The following TRAPPC8 variants were observed in gnomAD, a reference collection of about 807,000 sequenced individuals.
TRAPPC8 encodes general sporulation gene 1 homolog.
Under a neutral mutation model 174.3 loss-of-function variants are expected in TRAPPC8, and 54 were observed. That is an observed-to-expected ratio of 0.31 (90% CI 0.25 to 0.39). TRAPPC8 has a LOEUF of 0.39. Ranked by LOEUF, TRAPPC8 falls within the 10% of genes least tolerant of loss-of-function variation. The pLI is 1.00. For synonymous variants in TRAPPC8, 630 were observed against 579.9 expected (o/e 1.09, Z -1.24); for missense variants, 1,531 against 1,699.1 (o/e 0.90, Z 1.74).
intron 20 of TRAPPC8, among the ~76,000 whole-genome samples, chr18:31,856,030 T>C (rs764280174): frequency 1.3e-4 from 20 of 152,324 alleles, no homozygotes; most frequent in Non-Finnish European, 2.5e-4. Flanking sequence ...TCTAAGTTTT[T>C]GCCCTGCTTA....
At chr18:31,848,690 A>C (rs1393675888) in intron 25 of TRAPPC8, among the ~76,000 whole-genome samples, 1 of 152,222 alleles carries the variant, frequency 6.6e-6, no homozygotes, top group African/African-American at 2.4e-5. Context: ...TTGATCACCT[A>C]GTATGAACAT....
chr18:31,935,273 G>C (rs7239951), intron 1 of TRAPPC8, among the ~76,000 whole-genome samples: 1 of 149,716 alleles, frequency 6.7e-6, no homozygotes, highest in Non-Finnish European at 1.5e-5. Flanking sequence ...CCTTGGAAGT[G>C]GAGGTTGCAG....
At chr18:31,918,851 G>A (rs1006248843) in intron 2 of TRAPPC8, among the ~76,000 whole-genome samples, 5 of 152,132 alleles carry the variant, frequency 3.3e-5, no homozygotes, top group African/African-American at 1.2e-4. Flanking sequence ...GTAAAACTTA[G>A]TGGTTTCACT....
At chr18:31,862,418 T>C (rs1278842332) in intron 19 of TRAPPC8, among the ~76,000 whole-genome samples, 2 of 152,014 alleles carry the variant, frequency 1.3e-5, no homozygotes, top group African/African-American at 4.8e-5. Context: ...CAGAGTAGAC[T>C]GCATCTAAAA....
In TRAPPC8 at chr18:31,890,754, C is replaced by T. The variant is rs1435924998; in HGVS notation, c.1709G>A (p.Arg570Gln). The stretch of plus-strand genomic sequence containing the variant: ...ACTCACCTGCCCTGCTTTACTAAAT[C>T]GATGGCCTGCCAATATCATATGAAA... ...YAFHMILAGH[R>Q]FSKAGQKKHA... The change falls in exon 12 of 29, where the codon CGA becomes CAA. Residue 570 changes from arginine to glutamine, a missense_variant. Transcript: ENST00000283351. 2 of 1,611,068 alleles carry T rather than the reference C, an allele frequency of 1.2e-6. No homozygotes were observed. The highest frequency in any genetic ancestry group is 1.3e-5 in the African/African-American group (1 of 74,808).
chr18:31,870,330 C>T (rs1279857198), intron 16 of TRAPPC8, 42 bp downstream of exon 16: 1 of 1,557,514 alleles, frequency 6.4e-7, no homozygotes, highest in East Asian at 2.3e-5. Flanking sequence ...ATTTGTTAGG[C>T]TGTAGCTGAA....
At chr18:31,929,695 A>C (rs2037770365) in intron 2 of TRAPPC8, among the ~76,000 whole-genome samples, 1 of 152,116 alleles carries the variant, frequency 6.6e-6, no homozygotes, top group Non-Finnish European at 1.5e-5. Flanking sequence ...AATAAAAAGA[A>C]ACACTAAGTG....
At chr18:31,876,489 C>CAAATAAAAAAAAAA (rs2035153288) in intron 12 of TRAPPC8, among the ~76,000 whole-genome samples, 2 of 48,722 alleles carry the variant, frequency 4.1e-5, no homozygotes, top group Non-Finnish European at 3.6e-5. Context: ...GACTCCATCT[C>CAAATAAAAAAAAAA]AAAAAAAAAA....
chr18:31,941,799 T>C (rs960812969), intron 1 of TRAPPC8, among the ~76,000 whole-genome samples: 2 of 152,220 alleles, frequency 1.3e-5, no homozygotes, highest in East Asian at 1.9e-4. Context: ...TACTTGGACT[T>C]TGTTGTTTGC....
At chr18:31,908,462 T>C in intron 7 of TRAPPC8, 44 bp from the exon 8 acceptor site, 1 of 1,321,324 alleles carries the variant, frequency 7.6e-7, no homozygotes, top group Non-Finnish European at 1.0e-6. Context: ...AAGAATTTAG[T>C]ATTTTTCCTT....
intron 11 of TRAPPC8, chr18:31,895,689 C>A (rs2036155634): frequency 6.6e-6 from 1 of 152,134 alleles, no homozygotes; most frequent in Non-Finnish European, 1.5e-5. Context: ...ACCATAAATT[C>A]TTTTTACATT....
At chr18:31,879,780 G>A (rs1268436085) in intron 12 of TRAPPC8, among the ~76,000 whole-genome samples, 3 of 151,570 alleles carry the variant, frequency 2.0e-5, no homozygotes, top group Non-Finnish European at 4.4e-5. Flanking sequence ...TATGACAAAG[G>A]TGACATCACA....
Position 31,903,977 on chromosome 18 carries a change from T to C in TRAPPC8, c.1390-2952A>G, listed in dbSNP as rs530809668. ...AAGATTAAGCACAGTGCCACATGCCTGTAACCCCAGCACTTTGGGAGGCCA... is the reference window on the plus strand; with the variant it reads ...AAGATTAAGCACAGTGCCACATGCCCGTAACCCCAGCACTTTGGGAGGCCA... On this transcript the variant is annotated intron_variant, in intron 9 of 28. Transcript: ENST00000283351. 3.3e-5 allele frequency among the ~76,000 whole-genome samples: 5 copies of C among 152,312 alleles called. No individual in the cohort carries two copies. In the South Asian group the frequency reaches 1.0e-3, roughly 32 times the overall value.
chr18:31,942,635 T>G lies in TRAPPC8; in HGVS notation c.130A>C (p.Lys44Gln), dbSNP rs1387772596. 1 of 1,610,978 alleles carries G rather than the reference T, an allele frequency of 6.2e-7. No individual in the cohort carries two copies. The highest frequency in any genetic ancestry group is 1.7e-5 in the Admixed American group (1 of 59,464). The change falls in exon 1 of 29, where the codon AAG (lysine) becomes CAG (glutamine). Residue 44 changes from lysine to glutamine, a missense_variant. By Grantham distance (53) the Lys-to-Gln change is moderately conservative. Transcript: ENST00000283351. ...TCGGAAGTGAGGCGGGAGAAGGGCT[T>G]AAGCAGCTCCGCGAAGCTGAGGTGA... The part of the protein sequence containing the change: ...LNHLSFAELL[K>Q]PFSRLTSEVH...
At chr18:31,893,928 T>C (rs570646562) in intron 11 of TRAPPC8, among the ~76,000 whole-genome samples, 14 of 152,290 alleles carry the variant, frequency 9.2e-5, no homozygotes, top group Admixed American at 3.3e-4. Flanking sequence ...TGGGCAGCAA[T>C]CCTGGACATT....
intron 7 of TRAPPC8, among the ~76,000 whole-genome samples, 153 bp from the exon 8 acceptor site, chr18:31,908,571 T>C (rs117575634): frequency 3.6e-3 from 552 of 152,278 alleles, no homozygotes; most frequent in South Asian, 8.9e-3. Context: ...AAAATCCTAT[T>C]GAAAATGAAT....
chr18:31,839,338 T>C lies in TRAPPC8; in HGVS notation c.3957A>G (p.Ser1319=), dbSNP rs764929770. 2.2e-5 allele frequency: 35 copies of C among 1,601,152 alleles called. No individual in the cohort carries two copies. Among genetic ancestry groups the C allele is most frequent in the Non-Finnish European group, 2.8e-5 (33 of 1,174,804 alleles). The change falls in exon 27 of 29, where the codon TCA becomes TCG. Residue 1319 remains serine, a synonymous_variant. Transcript: ENST00000283351. ...LIKTSLHYPE[S]FNHPFHQKSL... is the part of the protein sequence containing the mutation. Reference sequence around the variant, plus strand: ...TTTTTTGATGAAATGGATGATTAAATGATTCTGGGTAGTGAAGACTCGTTT... The same window carrying C: ...TTTTTTGATGAAATGGATGATTAAACGATTCTGGGTAGTGAAGACTCGTTT...
intron 19 of TRAPPC8, among the ~76,000 whole-genome samples, chr18:31,861,250 C>T (rs1426173494): frequency 6.6e-6 from 1 of 152,158 alleles, no homozygotes; most frequent in Non-Finnish European, 1.5e-5. Context: ...CAACCAAACA[C>T]CATTTTTGTT....
At chr18:31,867,584 TTTA>T in intron 16 of TRAPPC8, 108 bp from the exon 17 acceptor site, 3 of 779,994 alleles carry the variant, frequency 3.8e-6, no homozygotes, top group South Asian at 1.8e-5. Flanking sequence ...AAAGTCTGCA[TTTA>T]CTTGGTTTTT....
Sources: allele counts gnomAD v4.1 joint callset (sites outside exome capture counted in the v4.1 genomes callset), GRCh38; gene constraint gnomAD v4.1.1; transcripts MANE v1.5; gene names NCBI Gene and HGNC (gene_info 2026-07-23, HGNC 2026-07-21).